GPHN: variants seen among roughly 807,000 people sequenced by gnomAD.
The protein encoded by GPHN is gephyrin.
A neutral mutation model predicts 95.5 loss-of-function variants in GPHN; 17 were observed. That is an observed-to-expected ratio of 0.18 (90% CI 0.12 to 0.27). The LOEUF is 0.27. Ranked by LOEUF, GPHN falls within the 10% of genes least tolerant of loss-of-function variation. The pLI, the probability that GPHN is intolerant of heterozygous loss-of-function variation, is 1.00. For missense variants in GPHN, 660 were observed against 978.1 expected, an observed-to-expected ratio of 0.67 and a Z score of 4.34; for synonymous variants, 320 against 322.5, an observed-to-expected ratio of 0.99 and a Z score of 0.08.
chr14:67,676,366 C>T, the GPHN span, among the ~76,000 whole-genome samples: 2 of 152,160 alleles, frequency 1.3e-5, no homozygotes, highest in African/African-American at 2.4e-5. Flanking sequence ...AGTCAGTATA[C>T]TGTGTAAGTC....
chr14:67,237,939 C>T, the GPHN span, among the ~76,000 whole-genome samples: 1 of 152,212 alleles, frequency 6.6e-6, no homozygotes, highest in East Asian at 1.9e-4. Flanking sequence ...TTCTCTTAAC[C>T]TCCTATGCTA....
At chr14:66,799,982 A>G (rs554372369) in intron 3 of GPHN, among the ~76,000 whole-genome samples, 1 of 151,920 alleles carries the variant, frequency 6.6e-6, no homozygotes, top group African/African-American at 2.4e-5. Context: ...TTGGTTTGAT[A>G]TTACCATGAA....
the GPHN span, among the ~76,000 whole-genome samples, chr14:67,724,821 G>C: frequency 6.6e-6 from 1 of 152,196 alleles, no homozygotes; most frequent in Non-Finnish European, 1.5e-5. Context: ...AACGATGTCT[G>C]TGTATAGCCA....
At chr14:66,784,360 G>A (rs1328812917) in intron 3 of GPHN, among the ~76,000 whole-genome samples, 2 of 151,958 alleles carry the variant, frequency 1.3e-5, no homozygotes, top group East Asian at 1.9e-4. Context: ...ACTCAAACGC[G>A]AAAACTAAAA....
At position 66,882,324 on chromosome 14, in the gene GPHN, A is replaced by T. The variant is rs369820758; in HGVS notation, c.389+2291A>T. On this transcript the variant is annotated intron_variant, in intron 5 of 22. Coordinates refer to ENST00000478722, the MANE Select transcript of GPHN (RefSeq NM_020806.5). ...AATCAGTGTTTTACCATAGTTCTAT[A>T]GCATGTTTTTTTCAGGTAAATTAAT... 2.9e-4 allele frequency among the ~76,000 whole-genome samples: 44 copies of T among 151,944 alleles called. No individual in the cohort carries two copies. In the South Asian group the frequency reaches 3.5e-3, roughly 12 times the overall value.
chr14:67,515,294 C>G, the GPHN span: 1 of 153,438 alleles, frequency 6.5e-6, no homozygotes, highest in South Asian at 2.0e-4. Flanking sequence ...GCCTCCCCCA[C>G]GCCGCCTGGC....
At chr14:66,933,463 C>A (rs953185804) in intron 8 of GPHN, among the ~76,000 whole-genome samples, 1 of 152,162 alleles carries the variant, frequency 6.6e-6, no homozygotes, top group Non-Finnish European at 1.5e-5. Context: ...AAAGGGAGCA[C>A]CTGATTACCT....
chr14:67,730,998 T>G, the GPHN span, among the ~76,000 whole-genome samples: 1 of 152,188 alleles, frequency 6.6e-6, no homozygotes, highest in African/African-American at 2.4e-5. Context: ...AAAAGATATC[T>G]CATTTTTTAT....
chr14:66,723,109 G>A (rs2070905503), intron 2 of GPHN, among the ~76,000 whole-genome samples: 1 of 152,054 alleles, frequency 6.6e-6, no homozygotes, highest in South Asian at 2.1e-4. Context: ...CTTGATTGCA[G>A]TGGCACAATC....
chr14:67,395,584 C>T, the GPHN span: 1 of 1,613,910 alleles, frequency 6.2e-7, no homozygotes, highest in Non-Finnish European at 8.5e-7. Context: ...TAATGAGGAG[C>T]TGTGGGAAGA....
At chr14:67,656,514 G>T in the GPHN span, 7 of 1,613,882 alleles carry the variant, frequency 4.3e-6, no homozygotes, top group African/African-American at 9.3e-5. Context: ...CGATGAGAAC[G>T]TTCAATACTT....
intron 1 of GPHN, among the ~76,000 whole-genome samples, chr14:66,621,910 A>G (rs1051695183): frequency 6.6e-6 from 1 of 151,908 alleles, no homozygotes; most frequent in Non-Finnish European, 1.5e-5. Flanking sequence ...CCAGGCACAC[A>G]GTGCTGTCGG....
At chr14:67,359,764 G>T in the GPHN span, 1 of 1,581,964 alleles carries the variant, frequency 6.3e-7, no homozygotes. Context: ...CTCCAGAACT[G>T]GCCTCCACAG....
the GPHN span, among the ~76,000 whole-genome samples, chr14:67,402,881 T>C: frequency 6.6e-6 from 1 of 152,326 alleles, no homozygotes; most frequent in Middle Eastern, 3.4e-3. Context: ...GCAACAGACA[T>C]GGGTGTGCAG....
At chr14:66,967,526 C>A (rs2153588996) in intron 9 of GPHN, among the ~76,000 whole-genome samples, 1 of 151,906 alleles carries the variant, frequency 6.6e-6, no homozygotes, top group East Asian at 1.9e-4. Context: ...AGAAGTGTTT[C>A]AGATTTCAGA....
the GPHN span, among the ~76,000 whole-genome samples, chr14:67,467,503 T>A: frequency 6.6e-6 from 1 of 152,048 alleles, no homozygotes; most frequent in Non-Finnish European, 1.5e-5. Flanking sequence ...AAACTCAGCA[T>A]TGGTAGAGGC....
the GPHN span, among the ~76,000 whole-genome samples, chr14:67,226,806 C>G: frequency 6.6e-6 from 1 of 152,166 alleles, no homozygotes; most frequent in African/African-American, 2.4e-5. Flanking sequence ...TGATCTGTAC[C>G]TGTTCCTTTG....
intron 12 of GPHN, among the ~76,000 whole-genome samples, chr14:67,094,493 T>C (rs931083565): frequency 6.6e-6 from 1 of 152,156 alleles, no homozygotes; most frequent in Admixed American, 6.6e-5. Context: ...GGGAAACAAT[T>C]CTAAATCTGC....
chr14:67,287,242 C>T, the GPHN span, among the ~76,000 whole-genome samples: 2 of 151,606 alleles, frequency 1.3e-5, no homozygotes, highest in African/African-American at 4.8e-5. Flanking sequence ...AAAAAAAAGA[C>T]ACTGGAGATT....
Sources: gnomAD v4.1 joint callset for allele counts (sites outside exome capture counted in the v4.1 genomes callset) on GRCh38, gnomAD v4.1.1 for gene constraint, MANE v1.5 for transcripts, NCBI Gene and HGNC (gene_info 2026-07-23, HGNC 2026-07-21) for gene names.